The following SDC2 variants were observed in gnomAD, a reference collection of about 807,000 sequenced individuals.
SDC2 encodes the protein syndecan 2, also known as syndecan-2.
A neutral mutation model predicts 22.2 loss-of-function variants in SDC2; 13 were observed. The observed-to-expected ratio is 0.59, with a 90% CI of 0.38 to 0.93. The LOEUF (loss-of-function observed/expected upper bound fraction) is 0.93, where lower values mean the gene tolerates loss of function less well. SDC2 is among the 40% of genes least tolerant of loss of function. The pLI, the probability that SDC2 is intolerant of heterozygous loss-of-function variation, is 0.00. For synonymous variants in SDC2, 94 were observed against 92.8 expected, an observed-to-expected ratio of 1.01 and a Z score of -0.07; for missense variants, 235 against 246.8, an observed-to-expected ratio of 0.95 and a Z score of 0.32.
At chr8:96,590,553 G>A (rs751005884) in intron 1 of SDC2, among the ~76,000 whole-genome samples, 12 of 152,170 alleles carry the variant, frequency 7.9e-5, no homozygotes, top group Non-Finnish European at 1.6e-4. Context: ...TCCCGTCCTA[G>A]GCATGTTCAT....
intron 1 of SDC2, among the ~76,000 whole-genome samples, chr8:96,513,157 A>G (rs1813353381): frequency 6.6e-6 from 1 of 152,244 alleles, no homozygotes; most frequent in South Asian, 2.1e-4. Flanking sequence ...TGATAGAAAA[A>G]TAATATATCA....
At chr8:96,512,109 A>G (rs1813336984) in intron 1 of SDC2, among the ~76,000 whole-genome samples, 1 of 152,186 alleles carries the variant, frequency 6.6e-6, no homozygotes, top group African/African-American at 2.4e-5. Flanking sequence ...TTAATGCCAC[A>G]GCCTGGAGGG....
intron 1 of SDC2, among the ~76,000 whole-genome samples, chr8:96,585,607 A>G (rs1236272882): frequency 6.6e-6 from 1 of 152,148 alleles, no homozygotes; most frequent in Admixed American, 6.5e-5. Flanking sequence ...CATTCAGTTA[A>G]ATAAGCATAT....
intron 1 of SDC2, among the ~76,000 whole-genome samples, chr8:96,565,084 A>ATTTTTGTTTTTTTTTTTTTTTTT: frequency 1.5e-5 from 1 of 67,800 alleles, no homozygotes; most frequent in Non-Finnish European, 2.9e-5. Context: ...CCTAAATTTG[A>ATTTTTGTTTTTTTTTTTTTTTTT]TTTTTTTTTT....
intron 1 of SDC2, among the ~76,000 whole-genome samples, chr8:96,505,877 C>G (rs1813231232): frequency 6.6e-6 from 1 of 152,196 alleles, no homozygotes; most frequent in African/African-American, 2.4e-5. Context: ...ACATGGTACT[C>G]ACCTTCAAGT....
chr8:96,586,139 G>C (rs1470037115), intron 1 of SDC2, among the ~76,000 whole-genome samples: 1 of 152,246 alleles, frequency 6.6e-6, no homozygotes, highest in East Asian at 1.9e-4. Flanking sequence ...TGAGCCCAAG[G>C]TTTCTTCCAA....
chr8:96,604,342 A>G (rs1815042123), intron 3 of SDC2, among the ~76,000 whole-genome samples: 1 of 152,218 alleles, frequency 6.6e-6, no homozygotes, highest in South Asian at 2.1e-4. Flanking sequence ...TTTAAAAATT[A>G]AGGAGCCCAA....
chr8:96,579,039 C>G (rs1814549996), intron 1 of SDC2, among the ~76,000 whole-genome samples: 1 of 152,144 alleles, frequency 6.6e-6, no homozygotes, highest in Non-Finnish European at 1.5e-5. Context: ...TATTTGGGAG[C>G]AAAGCAAATA....
intron 1 of SDC2, among the ~76,000 whole-genome samples, chr8:96,535,839 G>A (rs1813746098): frequency 6.6e-6 from 1 of 152,204 alleles, no homozygotes; most frequent in Admixed American, 6.5e-5. Context: ...CTGCCTTAGA[G>A]GATGTTGTGA....
intron 1 of SDC2, among the ~76,000 whole-genome samples, chr8:96,588,718 GT>G (rs1433828392): frequency 6.6e-6 from 1 of 152,168 alleles, no homozygotes; most frequent in Non-Finnish European, 1.5e-5. Flanking sequence ...TTCTGCTTTC[GT>G]TGTTAACCTG....
chr8:96,497,632 A>C (rs1477223620), intron 1 of SDC2, among the ~76,000 whole-genome samples: 3 of 152,202 alleles, frequency 2.0e-5, no homozygotes, highest in Non-Finnish European at 4.4e-5. Flanking sequence ...AAGCCCCCAG[A>C]GACCTGACTG....
intron 1 of SDC2, among the ~76,000 whole-genome samples, chr8:96,506,971 C>G (rs960130409): frequency 6.8e-6 from 1 of 146,180 alleles, no homozygotes; most frequent in East Asian, 2.0e-4. Context: ...ATCACGCCAC[C>G]GCACTCCAGC....
chr8:96,494,358 G>T (rs1428504992), intron 1 of SDC2, 27 bp downstream of exon 1: 1 of 1,536,206 alleles, frequency 6.5e-7, no homozygotes, highest in Admixed American at 2.0e-5. Flanking sequence ...GAGGATGCGC[G>T]CGCCGTTTAG....
intron 1 of SDC2, among the ~76,000 whole-genome samples, chr8:96,506,877 C>A (rs531449360): frequency 2.0e-5 from 3 of 151,890 alleles, no homozygotes; most frequent in Admixed American, 1.3e-4. Flanking sequence ...GGTGTGGTGG[C>A]GGGCGCCTGT....
intron 1 of SDC2, among the ~76,000 whole-genome samples, chr8:96,505,776 C>G (rs370215705): frequency 2.0e-5 from 3 of 152,086 alleles, no homozygotes; most frequent in African/African-American, 7.2e-5. Context: ...GTTTTGTACT[C>G]GATAAATCAG....
Position 96,493,948 on chromosome 8 carries a change from T to G in SDC2, c.-324T>G. The G allele has an allele frequency of 5.3e-6, 2 of 379,322 alleles. No homozygotes were observed. Among genetic ancestry groups the G allele is most frequent in the South Asian group, 4.9e-5 (1 of 20,526 alleles). 23.5% of individuals were successfully genotyped at this position (379,322 alleles called of 1,614,324 possible). On this transcript the variant is annotated 5_prime_UTR_variant, in exon 1 of 5. Coordinates refer to ENST00000302190, the MANE Select transcript of SDC2 (RefSeq NM_002998.4). ...ACTGAACCTCGGCACGGGAAAGGAGTCCGCGGAGGAGCAAAACCACAGCAG... is the reference window on the plus strand; with the variant it reads ...ACTGAACCTCGGCACGGGAAAGGAGGCCGCGGAGGAGCAAAACCACAGCAG...
At chr8:96,597,634 C>T (rs1202945801) in intron 2 of SDC2, among the ~76,000 whole-genome samples, 1 of 152,164 alleles carries the variant, frequency 6.6e-6, no homozygotes, top group Non-Finnish European at 1.5e-5. Flanking sequence ...AAAGCAGATG[C>T]TCGAACAATG....
chr8:96,551,434 G>A (rs1235091699), intron 1 of SDC2, among the ~76,000 whole-genome samples: 1 of 152,138 alleles, frequency 6.6e-6, no homozygotes, highest in Non-Finnish European at 1.5e-5. Flanking sequence ...CAAGCATTCT[G>A]TGTATTTTAA....
intron 2 of SDC2, among the ~76,000 whole-genome samples, chr8:96,598,239 T>G (rs1224299010): frequency 6.6e-6 from 1 of 151,852 alleles, no homozygotes; most frequent in South Asian, 2.1e-4. Context: ...TCCCTCTTCT[T>G]AATACTATTG....
Sources: allele counts gnomAD v4.1 joint callset (sites outside exome capture counted in the v4.1 genomes callset), GRCh38; gene constraint gnomAD v4.1.1; transcripts MANE v1.5; gene names NCBI Gene and HGNC (gene_info 2026-07-23, HGNC 2026-07-21).